The following ESRRG variants were observed in gnomAD, a reference collection of about 807,000 sequenced individuals.
The protein encoded by ESRRG is estrogen-related receptor gamma.
ESRRG carries 13 observed loss-of-function variants against 44.0 expected under a neutral mutation model. The observed-to-expected ratio is 0.30, with a 90% CI of 0.19 to 0.47. The LOEUF is 0.47. Among genes scored for constraint, ESRRG ranks in the 20% least tolerant of loss-of-function variants. The pLI, the probability that ESRRG is intolerant of heterozygous loss-of-function variation, is 1.00. For missense variants in ESRRG, 395 were observed against 580.6 expected (o/e 0.68, Z 3.29); for synonymous variants, 215 against 214.6 (o/e 1.00, Z -0.02).
intron 3 of ESRRG, among the ~76,000 whole-genome samples, chr1:216,643,411 T>C (rs1004170500): frequency 1.3e-5 from 2 of 152,286 alleles, no homozygotes; most frequent in Admixed American, 6.5e-5. Flanking sequence ...CACCCAAGGA[T>C]TTCCTAAACA....
intron 1 of ESRRG, among the ~76,000 whole-genome samples, chr1:217,062,342 T>G (rs998603086): frequency 6.6e-6 from 1 of 152,202 alleles, no homozygotes; most frequent in East Asian, 1.9e-4. Flanking sequence ...GATGAAAAGC[T>G]GGAAATTTCT....
At chr1:216,797,432 G>A (rs1356038186) in intron 2 of ESRRG, among the ~76,000 whole-genome samples, 1 of 152,066 alleles carries the variant, frequency 6.6e-6, no homozygotes, top group Non-Finnish European at 1.5e-5. Flanking sequence ...CGGGAACTAT[G>A]TTCTGCAGTA....
At chr1:216,655,984 C>G (rs779954319) in intron 2 of ESRRG, among the ~76,000 whole-genome samples, 3 of 152,114 alleles carry the variant, frequency 2.0e-5, no homozygotes, top group Non-Finnish European at 4.4e-5. Context: ...AACAATGTTA[C>G]GTCTATTTTG....
At chr1:217,074,298 T>G (rs2151471238) in intron 1 of ESRRG, among the ~76,000 whole-genome samples, 1 of 151,834 alleles carries the variant, frequency 6.6e-6, no homozygotes, top group African/African-American at 2.4e-5. Flanking sequence ...ATCCACCCAC[T>G]TTGGCCTCCC....
intron 5 of ESRRG, among the ~76,000 whole-genome samples, chr1:216,559,476 AT>A (rs911640862): frequency 6.6e-4 from 100 of 152,314 alleles, no homozygotes; most frequent in African/African-American, 2.4e-3. Flanking sequence ...ATCAATAAAC[AT>A]TTTTCAAGTG....
intron 5 of ESRRG, among the ~76,000 whole-genome samples, chr1:216,538,947 T>C (rs2051843572): frequency 6.6e-6 from 1 of 152,094 alleles, no homozygotes; most frequent in Non-Finnish European, 1.5e-5. Context: ...AATTCCACCA[T>C]TATATTAGGC....
intron 1 of ESRRG, among the ~76,000 whole-genome samples, chr1:217,069,482 G>A (rs1402033765): frequency 1.3e-5 from 2 of 151,614 alleles, no homozygotes; most frequent in Non-Finnish European, 2.9e-5. Flanking sequence ...TCCCTCTAGA[G>A]AACCCTAATA....
chr1:216,716,779 C>A (rs934246945), intron 1 of ESRRG, among the ~76,000 whole-genome samples: 1 of 151,800 alleles, frequency 6.6e-6, no homozygotes, highest in African/African-American at 2.4e-5. Flanking sequence ...TTTTTAAATG[C>A]CAAAACCAAG....
intron 2 of ESRRG, among the ~76,000 whole-genome samples, chr1:216,842,925 A>G (rs2148890386): frequency 6.6e-6 from 1 of 152,308 alleles, no homozygotes; most frequent in Non-Finnish European, 1.5e-5. Flanking sequence ...AAAACCAGTA[A>G]GCTGGAATCC....
intron 1 of ESRRG, among the ~76,000 whole-genome samples, chr1:217,104,522 T>C (rs945152052): frequency 1.3e-5 from 2 of 152,216 alleles, no homozygotes; most frequent in Non-Finnish European, 2.9e-5. Context: ...AGGTAATTCC[T>C]GCCTCAGTAT....
At chr1:216,567,933 A>T (rs1573148045) in intron 4 of ESRRG, 55 bp downstream of exon 4, 1 of 1,167,854 alleles carries the variant, frequency 8.6e-7, no homozygotes, top group Non-Finnish European at 1.3e-6. Flanking sequence ...ATGTACATAG[A>T]GCCAACTGGG....
chr1:216,607,005 A>G (rs1002188217), intron 3 of ESRRG, among the ~76,000 whole-genome samples: 11 of 152,310 alleles, frequency 7.2e-5, no homozygotes, highest in African/African-American at 2.6e-4. Flanking sequence ...TATTCTAGGG[A>G]ATCCTTGAAA....
At chr1:216,971,271 T>C (rs191957639) in intron 1 of ESRRG, among the ~76,000 whole-genome samples, 1 of 152,214 alleles carries the variant, frequency 6.6e-6, no homozygotes, top group Non-Finnish European at 1.5e-5. Context: ...TCTATAAGAA[T>C]CATTAGTAAT....
chr1:217,024,926 A>G (rs1416535), intron 1 of ESRRG, among the ~76,000 whole-genome samples: 13,434 of 152,252 alleles, frequency 0.088, 1,584 homozygotes, highest in African/African-American at 0.27. Context: ...ACTTTAAAAC[A>G]TCCTTCCACT....
intron 2 of ESRRG, among the ~76,000 whole-genome samples, chr1:216,855,808 C>A (rs1559882397): frequency 6.6e-6 from 1 of 152,100 alleles, no homozygotes; most frequent in African/African-American, 2.4e-5. Context: ...GTGACAGTTC[C>A]CCGCTTGAAA....
At chr1:216,575,021 C>A (rs958364579) in intron 3 of ESRRG, among the ~76,000 whole-genome samples, 1 of 151,990 alleles carries the variant, frequency 6.6e-6, no homozygotes, top group African/African-American at 2.4e-5. Context: ...CTTAGAAGAG[C>A]GGCAGGAAAA....
intron 3 of ESRRG, among the ~76,000 whole-genome samples, chr1:216,621,731 C>A (rs1156475386): frequency 6.6e-6 from 1 of 152,200 alleles, no homozygotes; most frequent in Non-Finnish European, 1.5e-5. Context: ...GGGGATTAGT[C>A]TATTGCAACA....
At position 216,530,730 on chromosome 1, in the gene ESRRG, C is replaced by T. The variant is rs116132080; in HGVS notation, c.863-11309G>A. On this transcript the variant is annotated intron_variant, in intron 5 of 6. Transcript: ENST00000408911. Reference sequence around the variant, plus strand: ...CAAGAATCAATTCTATCTTGGATCCCTAAAAGAAAAATTGCTTATAATTTC... The same window carrying T: ...CAAGAATCAATTCTATCTTGGATCCTTAAAAGAAAAATTGCTTATAATTTC... Among the ~76,000 whole-genome samples the T allele has an allele frequency of 6.9e-3, 1,056 of 152,200 alleles. 6 individuals are homozygous for T. Among genetic ancestry groups the T allele is most frequent in the African/African-American group, 0.024 (997 of 41,530 alleles).
chr1:216,971,670 A>G (rs1045639215), intron 1 of ESRRG, among the ~76,000 whole-genome samples: 6 of 152,220 alleles, frequency 3.9e-5, no homozygotes, highest in Non-Finnish European at 8.8e-5. Flanking sequence ...TTTTAATAAA[A>G]TATTTATGAT....
Sources: allele counts gnomAD v4.1 joint callset (sites outside exome capture counted in the v4.1 genomes callset), GRCh38; gene constraint gnomAD v4.1.1; transcripts MANE v1.5; gene names NCBI Gene and HGNC (gene_info 2026-07-23, HGNC 2026-07-21).